Variants in SLC6A7 observed in about 807,000 individuals in gnomAD.
SLC6A7 encodes the protein sodium-dependent proline transporter.
Under a neutral mutation model 73.1 loss-of-function variants are expected in SLC6A7, and 58 were observed. The ratio of observed to expected loss-of-function variants is 0.79; its 90% CI spans 0.64 to 0.99. The LOEUF (loss-of-function observed/expected upper bound fraction) is 0.99. SLC6A7 is among the 50% of genes least tolerant of loss of function. SLC6A7 has a pLI of 0.00. For synonymous variants in SLC6A7, 338 were observed against 338.7 expected (o/e 1.00, Z 0.02); for missense variants, 783 against 831.4 (o/e 0.94, Z 0.72).
chr5:150,199,739 G>GA (rs1048115690), intron 5 of SLC6A7, among the ~76,000 whole-genome samples: 3 of 152,318 alleles, frequency 2.0e-5, no homozygotes, highest in African/African-American at 7.2e-5. Flanking sequence ...CACTCAGTTG[G>GA]AAAGTCCAGA....
Position 150,203,902 on chromosome 5 carries a change from C to T in SLC6A7, c.1201-5C>T. On this transcript the variant is annotated splice_polypyrimidine_tract_variant and splice_region_variant and intron_variant, in intron 9 of 13. Coordinates refer to ENST00000230671, the MANE Select transcript of SLC6A7 (RefSeq NM_014228.5). ...TCTGACCCCCAGCCCCTCCTCTCTC[C>T]TCAGTTTGCTTTTCTGGAGACCATT... The T allele has an allele frequency of 6.2e-7, 1 of 1,610,780 alleles. No homozygotes were observed. Among genetic ancestry groups the T allele is most frequent in the African/African-American group, 1.3e-5 (1 of 74,204 alleles).
chr5:150,209,276 C>A, intron 13 of SLC6A7, 130 bp from the exon 14 acceptor site: 1 of 758,974 alleles, frequency 1.3e-6, no homozygotes, highest in South Asian at 1.7e-5. Flanking sequence ...CCCCCACTTC[C>A]CCGCCAGGGG....
intron 4 of SLC6A7, 138 bp from the exon 5 acceptor site, chr5:150,199,090 G>A (rs568395866): frequency 5.9e-5 from 71 of 1,194,380 alleles, no homozygotes; most frequent in Admixed American, 1.9e-4. Context: ...AGAGTTGGTC[G>A]GAGAAGGATG....
Position 150,210,045 on chromosome 5 carries a change from C to G in SLC6A7, c.*430C>G, listed in dbSNP as rs756691145. On this transcript the variant is annotated 3_prime_UTR_variant, in exon 14 of 14. Coordinates refer to ENST00000230671, the MANE Select transcript of SLC6A7 (RefSeq NM_014228.5). ...CCTTTTTGGGGGGAGCCTGTCCCCA[C>G]ACACCTTAGCACAACCAGAATCTTG... 4.9e-6 allele frequency: 1 copy of G among 204,964 alleles called. No homozygotes were observed. Among genetic ancestry groups the G allele is most frequent in the African/African-American group, 2.3e-5 (1 of 44,080 alleles). The allele number at this position is 204,964 out of a possible 1,614,324, so 12.7% of individuals were successfully genotyped here. A position where few individuals can be genotyped will look rare whatever the true frequency, so the allele number is the denominator to read the frequency against.
chr5:150,192,409 G>C (rs1752828595), intron 1 of SLC6A7, among the ~76,000 whole-genome samples: 1 of 152,194 alleles, frequency 6.6e-6, no homozygotes, highest in African/African-American at 2.4e-5. Flanking sequence ...GTGTGTTCCT[G>C]CATGCCCCTG....
At chr5:150,202,851 G>C in intron 8 of SLC6A7, 148 bp downstream of exon 8, 7 of 832,510 alleles carry the variant, frequency 8.4e-6, no homozygotes, top group Non-Finnish European at 1.3e-5. Context: ...AAGGTGGGCG[G>C]ATCGCTTGAG....
At chr5:150,194,663 T>G in intron 1 of SLC6A7, 65 bp from the exon 2 acceptor site, 75 of 1,207,000 alleles carry the variant, frequency 6.2e-5, no homozygotes, top group Non-Finnish European at 8.0e-5. Context: ...AGTCTTGTCT[T>G]GAGGTCACAT....
At chr5:150,209,057 G>T (rs1225630053) in intron 13 of SLC6A7, among the ~76,000 whole-genome samples, 2 of 152,234 alleles carry the variant, frequency 1.3e-5, no homozygotes, top group Non-Finnish European at 2.9e-5. Flanking sequence ...CCACTTCCCA[G>T]GCCTTACCCT....
chr5:150,196,923 T>C, intron 3 of SLC6A7, 76 bp downstream of exon 3: 2 of 1,553,116 alleles, frequency 1.3e-6, no homozygotes, highest in Non-Finnish European at 1.8e-6. Flanking sequence ...CCAGAACCCC[T>C]GCCAGCTCCA....
In SLC6A7 at chr5:150,203,823, GTGTGT is replaced by G. The variant is rs774841308; in HGVS notation, c.1200+45_1200+49del. 4.6e-5 allele frequency: 38 copies of G among 827,372 alleles called. No individual in the cohort carries two copies. In the African/African-American group the frequency reaches 6.5e-4, roughly 14 times the overall value. 51.3% of individuals were successfully genotyped at this position (827,372 alleles called of 1,614,324 possible). On this transcript the variant is annotated intron_variant, in intron 9 of 13. Transcript: ENST00000230671. ...AGCAGGCACCCCGTGTGTGTGTGGT[GTGTGT>G]GTGTGTGTGTGTGTGTGTGTGTGTG...
intron 8 of SLC6A7, among the ~76,000 whole-genome samples, chr5:150,203,148 T>C (rs562671858): frequency 2.0e-5 from 3 of 151,680 alleles, no homozygotes; most frequent in Non-Finnish European, 4.4e-5. Flanking sequence ...CAAAGGAACA[T>C]GTCCTAGCTG....
chr5:150,202,833 G>T, intron 8 of SLC6A7, 130 bp downstream of exon 8: 1 of 1,017,330 alleles, frequency 9.8e-7, no homozygotes, highest in South Asian at 1.6e-5. Context: ...CCAGCACTTT[G>T]GGAGGCCAAG....
Position 150,194,718 on chromosome 5 carries a change from T to G in SLC6A7, c.34-10T>G, listed in dbSNP as rs1194161728. The G allele has an allele frequency of 6.2e-7, 1 of 1,612,172 alleles. No homozygotes were observed. Among genetic ancestry groups the G allele is most frequent in the Non-Finnish European group, 8.5e-7 (1 of 1,178,930 alleles). ...TTCTCCCCAACCTCTTTGGTCTCTC[T>G]CATTGGCAGCCTGTCACCCCAGACC... On this transcript the variant is annotated splice_polypyrimidine_tract_variant and intron_variant, in intron 1 of 13. Coordinates refer to ENST00000230671, the MANE Select transcript of SLC6A7 (RefSeq NM_014228.5).
chr5:150,198,063 GA>G (rs1185780148), intron 4 of SLC6A7, among the ~76,000 whole-genome samples: 3 of 78,684 alleles, frequency 3.8e-5, no homozygotes, highest in South Asian at 4.0e-4. Flanking sequence ...AAGAAAGAAA[GA>G]AAGAAAGAAA....
chr5:150,198,501 C>G (rs971443947), intron 4 of SLC6A7, among the ~76,000 whole-genome samples: 1 of 152,190 alleles, frequency 6.6e-6, no homozygotes, highest in African/African-American at 2.4e-5. Context: ...CAGCTTAAAG[C>G]CAAAGGATTT....
chr5:150,198,115 G>GAAAGAAAGAAAGAAGGAAAGAAAA (rs1224170798), intron 4 of SLC6A7, among the ~76,000 whole-genome samples: 19 of 77,622 alleles, frequency 2.4e-4, no homozygotes, highest in African/African-American at 7.3e-4. Flanking sequence ...AAGAAAGAAA[G>GAAAGAAAGAAAGAAGGAAAGAAAA]AGAAAGAAAG....
chr5:150,204,464 CAGG>C, intron 10 of SLC6A7, 65 bp from the exon 11 acceptor site: 1 of 1,239,310 alleles, frequency 8.1e-7, no homozygotes, highest in Non-Finnish European at 1.2e-6. Flanking sequence ...CACTTCTTGC[CAGG>C]AGAAGGGGCT....
At position 150,209,757 on chromosome 5, in the gene SLC6A7, T is replaced by A. The variant is rs939559501; in HGVS notation, c.*142T>A. The stretch of plus-strand genomic sequence containing the variant: ...AGGGATGCCAGTCCCCCAGTGGGGG[T>A]CCCTTCTGCAGCCTCTGCCTCTCCT... On this transcript the variant is annotated 3_prime_UTR_variant, in exon 14 of 14. Coordinates refer to ENST00000230671, the MANE Select transcript of SLC6A7 (RefSeq NM_014228.5). 3.0e-4 allele frequency: 207 copies of A among 690,090 alleles called. No individual in the cohort carries two copies. The highest frequency in any genetic ancestry group is 1.9e-4 in the South Asian group (11 of 56,464). 42.7% of individuals were successfully genotyped at this position (690,090 alleles called of 1,614,324 possible).
In SLC6A7 at chr5:150,209,560, A is replaced by G. The variant is rs1562107633; in HGVS notation, c.1856A>G (p.Asn619Ser). 2 of 1,614,012 alleles carry G rather than the reference A, an allele frequency of 1.2e-6. No homozygotes were observed. The highest frequency in any genetic ancestry group is 1.7e-6 in the Non-Finnish European group (2 of 1,179,932). The change falls in exon 14 of 14, where the codon AAC (asparagine) becomes AGC (serine). Residue 619 changes from asparagine to serine, a missense_variant. Coordinates refer to ENST00000230671, the MANE Select transcript of SLC6A7 (RefSeq NM_014228.5). ...TACGGGGGCATCACCAGCTTCGAGA[A>G]CACGGCCATCGAGGTGGACCGTGAG... is the stretch of plus-strand genomic sequence containing the variant. ...RKYGGITSFE[N>S]TAIEVDREIA...
Sources: gnomAD v4.1 joint callset for allele counts (sites outside exome capture counted in the v4.1 genomes callset) on GRCh38, gnomAD v4.1.1 for gene constraint, MANE v1.5 for transcripts, NCBI Gene and HGNC (gene_info 2026-07-23, HGNC 2026-07-21) for gene names.